Variants in SMARCB1 observed in about 807,000 individuals in gnomAD.
The protein encoded by SMARCB1 is SWI/SNF-related matrix-associated actin-dependent regulator of chromatin subfamily B member 1.
Under a neutral mutation model 49.0 loss-of-function variants are expected in SMARCB1, and 5 were observed. That is an observed-to-expected ratio of 0.10 (90% CI 0.05 to 0.21). SMARCB1 has a LOEUF of 0.21. Ranked by LOEUF, SMARCB1 falls within the 10% of genes least tolerant of loss-of-function variation. The pLI is 1.00. For missense variants in SMARCB1, 226 were observed against 509.2 expected (o/e 0.44, Z 5.35); for synonymous variants, 201 against 200.1 (o/e 1.00, Z -0.04).
intron 5 of SMARCB1, among the ~76,000 whole-genome samples, chr22:23,814,708 C>T (rs957303223): frequency 6.6e-6 from 1 of 151,792 alleles, no homozygotes; most frequent in African/African-American, 2.4e-5. Flanking sequence ...CAGTGGCTCA[C>T]GCCTGTAATC....
At chr22:23,825,445 T>C in intron 7 of SMARCB1, 30 bp downstream of exon 7, 6 of 1,591,008 alleles carry the variant, frequency 3.8e-6, no homozygotes, top group Non-Finnish European at 5.2e-6. Context: ...TCTCCCTCCC[T>C]CATCTCCCTG....
chr22:23,806,951 T>C (rs910213070), intron 5 of SMARCB1, among the ~76,000 whole-genome samples: 2 of 148,570 alleles, frequency 1.3e-5, no homozygotes, highest in Non-Finnish European at 3.0e-5. Flanking sequence ...GGAATCAGGA[T>C]TTTTCTCAGG....
intron 2 of SMARCB1, 55 bp downstream of exon 2, chr22:23,791,949 GAAGATAAA>G (rs1928408423): frequency 5.7e-6 from 9 of 1,589,776 alleles, no homozygotes; most frequent in Non-Finnish European, 7.8e-6. Context: ...CTTATGTCAT[GAAGATAAA>G]ACGTTTTCAC....
At chr22:23,797,356 T>C (rs987107445) in intron 3 of SMARCB1, among the ~76,000 whole-genome samples, 1 of 150,308 alleles carries the variant, frequency 6.7e-6, no homozygotes, top group African/African-American at 2.5e-5. Flanking sequence ...TCGCCCAGGC[T>C]GGAGTGCAGT....
At chr22:23,800,108 C>T (rs762289862) in intron 3 of SMARCB1, among the ~76,000 whole-genome samples, 5 of 152,206 alleles carry the variant, frequency 3.3e-5, no homozygotes, top group Non-Finnish European at 7.3e-5. Flanking sequence ...GGATTACAGG[C>T]GTGAGCCACC....
chr22:23,831,502 C>T (rs913415578), intron 7 of SMARCB1, among the ~76,000 whole-genome samples: 3 of 152,192 alleles, frequency 2.0e-5, no homozygotes, highest in Admixed American at 2.0e-4. Context: ...GGGTCCCCAG[C>T]ACTCTTTGGA....
At chr22:23,828,243 G>A (rs1225135173) in intron 7 of SMARCB1, among the ~76,000 whole-genome samples, 1 of 152,030 alleles carries the variant, frequency 6.6e-6, no homozygotes, top group Non-Finnish European at 1.5e-5. Context: ...AGTAGAGACG[G>A]GGTTTCACCG....
chr22:23,825,658 G>A (rs2030345129), intron 7 of SMARCB1: 3 of 558,682 alleles, frequency 5.4e-6, no homozygotes, highest in Admixed American at 6.2e-5. Flanking sequence ...TTCTGTCAGG[G>A]TGAACCTCAA....
intron 3 of SMARCB1, among the ~76,000 whole-genome samples, chr22:23,793,900 A>G (rs35224906): frequency 0.036 from 5,428 of 149,170 alleles, 151 homozygotes; most frequent in East Asian, 0.12. Context: ...TCCTGCCTCA[A>G]CCTCCCAAGT....
Position 23,835,568 on chromosome 22 carries a change from C to T in SMARCB1, c.*1388C>T, listed in dbSNP as rs941467581. On this transcript the variant is annotated 3_prime_UTR_variant, in exon 9 of 9. Coordinates refer to ENST00000644036, the MANE Select transcript of SMARCB1 (RefSeq NM_003073.5). Reference sequence around the variant, plus strand: ...CTTCCCAGGGAGTTTGCACTCAGGGCCTCTGCCCTCCATCAAAGAGTGGAA... The same window carrying T: ...CTTCCCAGGGAGTTTGCACTCAGGGTCTCTGCCCTCCATCAAAGAGTGGAA... The T allele has an allele frequency of 5.1e-5, 50 of 985,516 alleles. No homozygotes were observed. The highest frequency in any genetic ancestry group is 6.0e-5 in the Non-Finnish European group (50 of 829,958). 61.0% of individuals were successfully genotyped at this position (985,516 alleles called of 1,614,324 possible). A position where few individuals can be genotyped will look rare whatever the true frequency, so the allele number is the denominator to read the frequency against.
intron 3 of SMARCB1, among the ~76,000 whole-genome samples, chr22:23,794,118 A>G (rs1186644639): frequency 2.6e-5 from 4 of 152,078 alleles, no homozygotes; most frequent in African/African-American, 9.7e-5. Context: ...CTAATTTTGT[A>G]TTTTTGGTAG....
rs1275386697 is a variant in SMARCB1 at position 23,838,007 on chromosome 22, G to T, written c.*3827G>T. On this transcript the variant is annotated 3_prime_UTR_variant, in exon 9 of 9. Coordinates refer to ENST00000644036, the MANE Select transcript of SMARCB1 (RefSeq NM_003073.5). ...TCCAATAAAGGCGACACACTCCACG[G>T]GCTTCAGGTCCCACGAAATCTGCCC... 16 of 1,260,128 alleles carry T rather than the reference G, an allele frequency of 1.3e-5. No individual in the cohort carries two copies. Among genetic ancestry groups the T allele is most frequent in the Non-Finnish European group, 1.6e-5 (15 of 932,878 alleles). The allele number at this position is 1,260,128 out of a possible 1,614,324, so 78.1% of individuals were successfully genotyped here.
chr22:23,811,673 AT>A (rs1929877583), intron 5 of SMARCB1, among the ~76,000 whole-genome samples: 1 of 152,228 alleles, frequency 6.6e-6, no homozygotes, highest in Non-Finnish European at 1.5e-5. Context: ...GCATATCAGA[AT>A]TTGTGGGATA....
chr22:23,791,694 G>A (rs1481609934), intron 1 of SMARCB1, 62 bp from the exon 2 acceptor site: 1 of 1,561,136 alleles, frequency 6.4e-7, no homozygotes, highest in Non-Finnish European at 8.8e-7. Context: ...GTCTGCGCCA[G>A]GACCCTCCCC....
chr22:23,799,656 G>GC (rs1157814877), intron 3 of SMARCB1, among the ~76,000 whole-genome samples: 5 of 145,738 alleles, frequency 3.4e-5, no homozygotes, highest in African/African-American at 1.3e-4. Flanking sequence ...GAGATTACAG[G>GC]TTCCTGCCAT....
At chr22:23,803,053 C>T (rs1348667687) in intron 4 of SMARCB1, 1 of 594,738 alleles carries the variant, frequency 1.7e-6, no homozygotes, top group Non-Finnish European at 3.0e-6. Context: ...TGTTCCAACA[C>T]TGCCCAGGTC....
chr22:23,805,118 A>G (rs944827277), intron 5 of SMARCB1, among the ~76,000 whole-genome samples: 1 of 152,160 alleles, frequency 6.6e-6, no homozygotes, highest in Non-Finnish European at 1.5e-5. Context: ...TGCTCACACC[A>G]GTGCCAGGCC....
chr22:23,833,072 G>T (rs1448405944), intron 7 of SMARCB1, among the ~76,000 whole-genome samples: 1 of 152,216 alleles, frequency 6.6e-6, no homozygotes, highest in Non-Finnish European at 1.5e-5. Flanking sequence ...GGAACAGGCT[G>T]TGCAGTGGCC....
chr22:23,813,559 T>G (rs1237808720), intron 5 of SMARCB1, among the ~76,000 whole-genome samples: 2 of 152,160 alleles, frequency 1.3e-5, no homozygotes, highest in Non-Finnish European at 2.9e-5. Flanking sequence ...AAAGGAATAC[T>G]TAGGTATAAA....
Sources: gnomAD v4.1 joint callset for allele counts (sites outside exome capture counted in the v4.1 genomes callset) on GRCh38, gnomAD v4.1.1 for gene constraint, MANE v1.5 for transcripts, NCBI Gene and HGNC (gene_info 2026-07-23, HGNC 2026-07-21) for gene names.